Variants in RGSL1 observed in about 807,000 individuals in gnomAD.
RGSL1 encodes the protein regulator of G protein signaling like 1.
A neutral mutation model predicts 124.7 loss-of-function variants in RGSL1; 97 were observed. The observed-to-expected ratio is 0.78, with a 90% CI of 0.66 to 0.92. The LOEUF is 0.92. Ranked by LOEUF, RGSL1 falls within the 40% of genes least tolerant of loss-of-function variation. The pLI, the probability that RGSL1 is intolerant of heterozygous loss-of-function variation, is 0.00. For missense variants in RGSL1, 1,233 were observed against 1,288.4 expected (o/e 0.96, Z 0.66); for synonymous variants, 424 against 438.1 (o/e 0.97, Z 0.40).
intron 17 of RGSL1, 116 bp downstream of exon 17, chr1:182,548,940 C>G (rs1660395982): frequency 1.5e-6 from 2 of 1,297,332 alleles, no homozygotes; most frequent in Non-Finnish European, 2.1e-6. Flanking sequence ...CTAGGGGGAA[C>G]TAAGATGGTG....
intron 7 of RGSL1, 80 bp downstream of exon 7, chr1:182,488,427 G>A: frequency 7.9e-7 from 1 of 1,262,990 alleles, no homozygotes; most frequent in South Asian, 1.3e-5. Context: ...AAAGGGTTAT[G>A]TGTTAAAGTA....
intron 15 of RGSL1, among the ~76,000 whole-genome samples, chr1:182,546,740 AT>A (rs1660235829): frequency 6.6e-6 from 1 of 152,206 alleles, no homozygotes; most frequent in South Asian, 2.1e-4. Flanking sequence ...TTTCCAAAAC[AT>A]TCTAACTTGT....
chr1:182,469,728 A>G (rs1653662077), intron 4 of RGSL1, among the ~76,000 whole-genome samples: 1 of 152,194 alleles, frequency 6.6e-6, no homozygotes, highest in Non-Finnish European at 1.5e-5. Context: ...ATTATTCACA[A>G]TAGTTAAGTG....
intron 6 of RGSL1, among the ~76,000 whole-genome samples, chr1:182,479,129 T>C (rs867726934): frequency 2.6e-5 from 4 of 152,218 alleles, no homozygotes; most frequent in African/African-American, 9.6e-5. Flanking sequence ...AGATGCTAAA[T>C]AACAATACAA....
chr1:182,451,884 T>C (rs1037212930), intron 1 of RGSL1, among the ~76,000 whole-genome samples: 1 of 151,428 alleles, frequency 6.6e-6, no homozygotes, highest in African/African-American at 2.4e-5. Context: ...ACTTTATGGA[T>C]GGAAAGGAGA....
intron 14 of RGSL1, among the ~76,000 whole-genome samples, chr1:182,534,441 C>T (rs537443800): frequency 6.6e-6 from 1 of 152,076 alleles, no homozygotes; most frequent in Non-Finnish European, 1.5e-5. Context: ...GTCTATTTTT[C>T]TATTGGTATT....
intron 2 of RGSL1, 29 bp downstream of exon 2, chr1:182,454,069 A>G: frequency 3.9e-6 from 5 of 1,292,638 alleles, no homozygotes; most frequent in Non-Finnish European, 5.5e-6. Context: ...AAATACAAAT[A>G]TTTCATCAGC....
rs80142887 is a variant in RGSL1, at chr1:182,506,538, A to C, written c.1825+13409A>C. On this transcript the variant is annotated intron_variant, in intron 9 of 21. Coordinates refer to ENST00000294854, the MANE Select transcript of RGSL1 (RefSeq NM_001137669.2). ...CTTTATAGTCTTTGTCTCCATTTTGATAGTCATTACCTTTTATCCCATCTT... is the reference window on the plus strand; with the variant it reads ...CTTTATAGTCTTTGTCTCCATTTTGCTAGTCATTACCTTTTATCCCATCTT... Among the ~76,000 whole-genome samples, 5 of 152,120 alleles carry C rather than the reference A, an allele frequency of 3.3e-5. No homozygotes were observed. The South Asian group carries it at 1.0e-3, about 32-fold the overall frequency.
intron 7 of RGSL1, chr1:182,488,721 G>A (rs1655291451): frequency 2.2e-5 from 6 of 266,914 alleles, no homozygotes; most frequent in South Asian, 9.5e-5. Context: ...GCGAGACTCC[G>A]TCTCAAAAAA....
At chr1:182,501,258 CT>C (rs1224305705) in intron 9 of RGSL1, among the ~76,000 whole-genome samples, 2 of 38,478 alleles carry the variant, frequency 5.2e-5, no homozygotes, top group South Asian at 5.6e-4. Context: ...CTTCCTTTCT[CT>C]CTTTCTCTCT....
intron 8 of RGSL1, among the ~76,000 whole-genome samples, chr1:182,492,313 C>T (rs555716687): frequency 2.0e-5 from 3 of 152,120 alleles, no homozygotes; most frequent in South Asian, 2.1e-4. Context: ...GGCAAAAACC[C>T]GTCTCTGCAA....
At chr1:182,509,292 C>G (rs1243347285) in intron 9 of RGSL1, among the ~76,000 whole-genome samples, 2 of 36,322 alleles carry the variant, frequency 5.5e-5, no homozygotes, top group Admixed American at 2.3e-4. Context: ...ACCTCCCGGA[C>G]GGGGCGGCTG....
intron 14 of RGSL1, among the ~76,000 whole-genome samples, 187 bp from the exon 15 acceptor site, chr1:182,540,060 C>G (rs1316224013): frequency 6.6e-6 from 1 of 152,170 alleles, no homozygotes; most frequent in Non-Finnish European, 1.5e-5. Flanking sequence ...TGTGTGTTGT[C>G]ATACTATCTG....
intron 9 of RGSL1, among the ~76,000 whole-genome samples, chr1:182,504,533 C>T (rs1216536956): frequency 2.0e-5 from 2 of 101,338 alleles, no homozygotes; most frequent in African/African-American, 7.7e-5. Flanking sequence ...GAAGACTGGA[C>T]TTTTTAATAT....
chr1:182,454,114 T>A, intron 2 of RGSL1, 74 bp downstream of exon 2: 1 of 883,670 alleles, frequency 1.1e-6, no homozygotes, highest in African/African-American at 1.7e-5. Context: ...CTGAGTGACT[T>A]TTTTTGTTTG....
intron 2 of RGSL1, among the ~76,000 whole-genome samples, chr1:182,454,598 G>T (rs1480676448): frequency 2.0e-5 from 3 of 146,442 alleles, no homozygotes. Flanking sequence ...GTGTGTGTGT[G>T]TGTGTGTGTG....
intron 9 of RGSL1, among the ~76,000 whole-genome samples, chr1:182,508,521 A>G (rs1571603170): frequency 6.8e-6 from 1 of 146,644 alleles, no homozygotes; most frequent in South Asian, 2.2e-4. Flanking sequence ...CTGGTCTTGA[A>G]CTCCTGACCT....
intron 17 of RGSL1, chr1:182,550,690 T>G (rs1571716263): frequency 6.1e-6 from 1 of 165,230 alleles, no homozygotes; most frequent in Admixed American, 6.2e-5. Context: ...AGTGGCAGGG[T>G]GGAAACTAGG....
Position 182,556,253 on chromosome 1 carries a change from G to A in RGSL1, c.*165+31G>A, listed in dbSNP as rs115749868. On this transcript the variant is annotated intron_variant, in intron 21 of 21. Transcript: ENST00000294854. ...ACTTGGGCAGAGCATGAGAGGAAGCGCATCTTTCCACTACAGTGAGTTGGG... is the reference window on the plus strand; with the variant it reads ...ACTTGGGCAGAGCATGAGAGGAAGCACATCTTTCCACTACAGTGAGTTGGG... 602 of 569,372 alleles carry A rather than the reference G, an allele frequency of 1.1e-3. 8 individuals carry two copies. The highest frequency in any genetic ancestry group is 9.8e-3 in the African/African-American group (521 of 53,118). 35.3% of individuals were successfully genotyped at this position (569,372 alleles called of 1,614,324 possible). A position where few individuals can be genotyped will look rare whatever the true frequency, so the allele number is the denominator to read the frequency against.
Sources: gnomAD v4.1 joint callset for allele counts (sites outside exome capture counted in the v4.1 genomes callset) on GRCh38, gnomAD v4.1.1 for gene constraint, MANE v1.5 for transcripts, NCBI Gene and HGNC (gene_info 2026-07-23, HGNC 2026-07-21) for gene names.